The following DSEL variants were observed in gnomAD, a reference collection of about 807,000 sequenced individuals.
The protein encoded by DSEL is dermatan sulfate epimerase like, also known as dermatan-sulfate epimerase-like protein.
DSEL carries 61 observed loss-of-function variants against 96.6 expected under a neutral mutation model. The observed-to-expected ratio is 0.63, with a 90% CI of 0.51 to 0.78. The LOEUF is 0.78. Among genes scored for constraint, DSEL ranks in the 30% least tolerant of loss-of-function variants. DSEL has a pLI of 0.00. For synonymous variants in DSEL, 514 were observed against 502.0 expected, an observed-to-expected ratio of 1.02 and a Z score of -0.32; for missense variants, 1,320 against 1,430.8, an observed-to-expected ratio of 0.92 and a Z score of 1.25.
chr18:67,509,573 C>T lies in DSEL; in HGVS notation c.*1397G>A, dbSNP rs554575773. The T allele has an allele frequency of 6.6e-6, 1 of 152,252 alleles. No individual in the cohort carries two copies. The highest frequency in any genetic ancestry group is 2.1e-4 in the South Asian group (1 of 4,822). 9.4% of individuals were successfully genotyped at this position (152,252 alleles called of 1,614,324 possible). ...ACAGAGCTTTATCACTCTGGAGGCA[C>T]ATTTTGACATAATAATAACTACTGA... On this transcript the variant is annotated 3_prime_UTR_variant, in exon 2 of 2. Transcript: ENST00000310045.
Position 67,510,866 on chromosome 18 carries a change from G to GTA in DSEL, c.*103_*104insTA, listed in dbSNP as rs1555694166. On this transcript the variant is annotated 3_prime_UTR_variant, in exon 2 of 2. Coordinates refer to ENST00000310045, the MANE Select transcript of DSEL (RefSeq NM_032160.3). ...AACAACACTGAACACATACACGCGT[G>GTA]CACACACACACACACACTAAAGAAT... 1 of 716,988 alleles carries GTA rather than the reference G, an allele frequency of 1.4e-6. No individual in the cohort carries two copies. The highest frequency in any genetic ancestry group is 2.1e-5 in the South Asian group (1 of 47,518). 44.4% of individuals were successfully genotyped at this position (716,988 alleles called of 1,614,324 possible).
chr18:67,513,373 G>C lies in DSEL; in HGVS notation c.1236C>G (p.Phe412Leu). 1.2e-6 allele frequency: 2 copies of C among 1,614,190 alleles called. No homozygotes were observed. The highest frequency in any genetic ancestry group is 1.7e-6 in the Non-Finnish European group (2 of 1,180,044). Reference protein sequence around the residue: ...ADYGTAKIHTFPNWGVVTYGA... With the variant: ...ADYGTAKIHTLPNWGVVTYGA... ...CATAAGTAACCACACCCCAGTTAGG[G>C]AATGTGTGTATTTTTGCAGTACCAT... The change falls in exon 2 of 2, where the codon TTC (phenylalanine) becomes TTG (leucine). Residue 412 changes from phenylalanine to leucine, a missense_variant. Phe to Leu is a conservative substitution (Grantham distance 22). Transcript: ENST00000310045.
rs2089447820 is a variant in DSEL, at chr18:67,512,270, A to T, written c.2339T>A (p.Leu780Ter). 1 of 1,614,028 alleles carries T rather than the reference A, an allele frequency of 6.2e-7. No homozygotes were observed. The highest frequency in any genetic ancestry group is 8.5e-7 in the Non-Finnish European group (1 of 1,180,022). ...AGTTAAAATCACCAAGCTAATGCAC[A>T]AAATTAATCCAACTGCTATATTAAA... ...FKFNIAVGLI[L>*]CISLVILTFQ... Residue 780 changes from leucine to a stop codon, truncating the protein, a stop_gained, in exon 2 of 2, where the codon TTG (leucine) becomes TAG (stop). Coordinates refer to ENST00000310045, the MANE Select transcript of DSEL (RefSeq NM_032160.3). LOFTEE classifies it high-confidence loss of function.
In DSEL at chr18:67,514,204, G is replaced by C. The variant is rs2089461868; in HGVS notation, c.405C>G (p.Cys135Trp). The C allele has an allele frequency of 1.1e-5, 18 of 1,614,060 alleles. No individual in the cohort carries two copies. Among genetic ancestry groups the C allele is most frequent in the Non-Finnish European group, 1.5e-5 (18 of 1,180,018 alleles). ...LPPLALYCLLCPEDKVAFEFV... is the reference protein window; with the variant it reads ...LPPLALYCLLWPEDKVAFEFV... ...ATTCAAAGGCAACTTTGTCTTCTGG[G>C]CATAACAAACAGTACAATGCTAAAG... Residue 135 changes from cysteine (C) to tryptophan (W), a missense_variant, in exon 2 of 2, where the codon TGC (cysteine) becomes TGG (tryptophan). Cys to Trp is a radical substitution (Grantham distance 215, BLOSUM62 -2). Transcript: ENST00000310045.
In DSEL at chr18:67,514,642, T is replaced by C. The variant is rs772787026; in HGVS notation, c.-34A>G. Reference sequence around the variant, plus strand: ...GGGGAGCTCCTCCCTTAGGCATACATGTCAGATATGATGCTCAATGTGTTT... The same window carrying C: ...GGGGAGCTCCTCCCTTAGGCATACACGTCAGATATGATGCTCAATGTGTTT... On this transcript the variant is annotated 5_prime_UTR_variant, in exon 2 of 2. An upstream start codon of the reference 5' UTR is lost. Transcript: ENST00000310045. The C allele has an allele frequency of 1.2e-6, 2 of 1,606,416 alleles. No individual in the cohort carries two copies. Among genetic ancestry groups the C allele is most frequent in the Non-Finnish European group, 1.7e-6 (2 of 1,176,244 alleles).
intron 1 of DSEL, 51 bp from the exon 2 acceptor site, chr18:67,515,543 G>A (rs1484711643): frequency 6.1e-6 from 1 of 163,296 alleles, no homozygotes; most frequent in Non-Finnish European, 1.5e-5. Flanking sequence ...GGTATGCTGA[G>A]AATGAATATA....
chr18:67,514,581 G>A lies in DSEL; in HGVS notation c.28C>T (p.Leu10=), dbSNP rs1180618756. MALMFTGHL[L]FLALLMFAFS... ...GCAAACATCAATAATGCTAAGAATA[G>A]TAAATGTCCTGTAAACATTAACGCC... The change falls in exon 2 of 2, where the codon CTA becomes TTA. Residue 10 remains leucine, a synonymous_variant. Transcript: ENST00000310045. 5 of 1,614,096 alleles carry A rather than the reference G, an allele frequency of 3.1e-6. No individual in the cohort carries two copies. The highest frequency in any genetic ancestry group is 3.4e-6 in the Non-Finnish European group (4 of 1,180,008).
Position 67,510,946 on chromosome 18 carries a change from C to A in DSEL, c.*24G>T. The A allele has an allele frequency of 6.5e-7, 1 of 1,537,292 alleles. No homozygotes were observed. Among genetic ancestry groups the A allele is most frequent in the South Asian group, 1.3e-5 (1 of 76,314 alleles). On this transcript the variant is annotated 3_prime_UTR_variant, in exon 2 of 2. Coordinates refer to ENST00000310045, the MANE Select transcript of DSEL (RefSeq NM_032160.3). ...AGTGGGTTGGTAAGTATTATTAGTG[C>A]AAATTTCTGCTGACCTGCAGCATTT...
Position 67,513,709 on chromosome 18 carries a change from G to A in DSEL, c.900C>T (p.Ile300=). The A allele has an allele frequency of 6.2e-7, 1 of 1,614,200 alleles. No individual in the cohort carries two copies. The highest frequency in any genetic ancestry group is 1.3e-5 in the African/African-American group (1 of 75,048). The change falls in exon 2 of 2, where the codon ATC becomes ATT. Residue 300 remains isoleucine, a synonymous_variant. Coordinates refer to ENST00000310045, the MANE Select transcript of DSEL (RefSeq NM_032160.3). ...YVFLAQRHFN[I]NNLDNNWLKM... is the part of the protein sequence containing the mutation. ...TTAACCAGTTATTATCCAAGTTGTT[G>A]ATATTAAAATGGCGCTGGGCCAGAA... is the stretch of plus-strand genomic sequence containing the variant.
chr18:67,506,654 T>G lies in DSEL; in HGVS notation c.*4316A>C, dbSNP rs1177911756. ...ACACATAGGTCTGATAAAACTGGTTTATGATCTTCAGTCTGTTTCCAGTGC... is the reference window on the plus strand; with the variant it reads ...ACACATAGGTCTGATAAAACTGGTTGATGATCTTCAGTCTGTTTCCAGTGC... On this transcript the variant is annotated 3_prime_UTR_variant, in exon 2 of 2. Coordinates refer to ENST00000310045, the MANE Select transcript of DSEL (RefSeq NM_032160.3). 1.3e-5 allele frequency: 2 copies of G among 152,156 alleles called. No homozygotes were observed. Among genetic ancestry groups the G allele is most frequent in the Non-Finnish European group, 2.9e-5 (2 of 68,038 alleles). 9.4% of individuals were successfully genotyped at this position (152,156 alleles called of 1,614,324 possible).
Position 67,511,580 on chromosome 18 carries a change from G to C in DSEL, c.3029C>G (p.Thr1010Arg), listed in dbSNP as rs763315186. 1 of 1,613,358 alleles carries C rather than the reference G, an allele frequency of 6.2e-7. No homozygotes were observed. The highest frequency in any genetic ancestry group is 1.3e-5 in the African/African-American group (1 of 74,810). Reference sequence around the variant, plus strand: ...TTCCTGAAAAAAATGAAGCTTTAACGTCCAGCTTCCACTGCTTAAACTGAG... The same window carrying C: ...TTCCTGAAAAAAATGAAGCTTTAACCTCCAGCTTCCACTGCTTAAACTGAG... ...PVLSLSSGSW[T>R]LKLHFFQEVL... Residue 1010 changes from threonine (T) to arginine (R), a missense_variant, in exon 2 of 2, where the codon ACG (threonine) becomes AGG (arginine). Thr to Arg is a moderately conservative substitution (Grantham distance 71). Around this residue, in one of 3 missense-constraint regions of DSEL, gnomAD observed 986 missense variants for 1,066.4 expected, o/e 0.92. Coordinates refer to ENST00000310045, the MANE Select transcript of DSEL (RefSeq NM_032160.3).
chr18:67,514,371 G>T lies in DSEL; in HGVS notation c.238C>A (p.Arg80Ser). 1 of 1,614,140 alleles carries T rather than the reference G, an allele frequency of 6.2e-7. No individual in the cohort carries two copies. The highest frequency in any genetic ancestry group is 1.1e-5 in the South Asian group (1 of 91,080). The change falls in exon 2 of 2, where the codon CGT (arginine) becomes AGT (serine). Residue 80 changes from arginine (R) to serine (S), a missense_variant. Around this residue, in one of 3 missense-constraint regions of DSEL, gnomAD observed 323 missense variants for 333.1 expected, o/e 0.97. Coordinates refer to ENST00000310045, the MANE Select transcript of DSEL (RefSeq NM_032160.3). ...CTAAAAAGATGCAAATGGCTTGCACGAGACTTTTGTCTCATTGCTTGGATT... is the reference window on the plus strand; with the variant it reads ...CTAAAAAGATGCAAATGGCTTGCACTAGACTTTTGTCTCATTGCTTGGATT... ...GEIQAMRQKS[R>S]ASHLHLFRAI... is the part of the protein sequence containing the mutation.
rs908504770 is a variant in DSEL at position 67,508,515 on chromosome 18, A to C, written c.*2455T>G. 6.6e-6 allele frequency: 1 copy of C among 152,192 alleles called. No individual in the cohort carries two copies. The highest frequency in any genetic ancestry group is 2.4e-5 in the African/African-American group (1 of 41,430). The allele number at this position is 152,192 out of a possible 1,614,324, so 9.4% of individuals were successfully genotyped here. A position where few individuals can be genotyped will look rare whatever the true frequency, so the allele number is the denominator to read the frequency against. On this transcript the variant is annotated 3_prime_UTR_variant, in exon 2 of 2. Transcript: ENST00000310045. ...GAGTAGGTGAGTACAGAAACAAGTA[A>C]ATACAACTCTGCATTGCCATGTGGG...
Position 67,510,928 on chromosome 18 carries a change from T to G in DSEL, c.*42A>C, listed in dbSNP as rs764836418. 1 of 1,491,710 alleles carries G rather than the reference T, an allele frequency of 6.7e-7. No homozygotes were observed. The highest frequency in any genetic ancestry group is 9.0e-7 in the Non-Finnish European group (1 of 1,110,384). 92.4% of individuals were successfully genotyped at this position (1,491,710 alleles called of 1,614,324 possible). On this transcript the variant is annotated 3_prime_UTR_variant, in exon 2 of 2. Coordinates refer to ENST00000310045, the MANE Select transcript of DSEL (RefSeq NM_032160.3). ...TCTGATTCATATCCACAAAGTGGGT[T>G]GGTAAGTATTATTAGTGCAAATTTC...
chr18:67,512,754 T>C lies in DSEL; in HGVS notation c.1855A>G (p.Arg619Gly). Residue 619 changes from arginine to glycine, a missense_variant, in exon 2 of 2, where the codon AGG (arginine) becomes GGG (glycine). Physicochemically the swap from Arg to Gly is moderately radical, Grantham distance 125. Transcript: ENST00000310045. ...ACATCCATCATGGCACCATTATACC[T>C]ATTCATAAACTTATATGGGATATAT... ...FKYIPYKFMN[R>G]YNGAMMDVWD... 6.2e-7 allele frequency: 1 copy of C among 1,614,072 alleles called. No homozygotes were observed. Among genetic ancestry groups the C allele is most frequent in the Non-Finnish European group, 8.5e-7 (1 of 1,179,972 alleles).
chr18:67,513,453 G>A lies in DSEL; in HGVS notation c.1156C>T (p.His386Tyr). The A allele has an allele frequency of 6.2e-7, 1 of 1,614,192 alleles. No individual in the cohort carries two copies. The highest frequency in any genetic ancestry group is 8.5e-7 in the Non-Finnish European group (1 of 1,180,044). The change falls in exon 2 of 2, where the codon CAC becomes TAC. Residue 386 changes from histidine to tyrosine, a missense_variant. By Grantham distance (83) the His-to-Tyr change is moderately conservative. Coordinates refer to ENST00000310045, the MANE Select transcript of DSEL (RefSeq NM_032160.3). ...GGATCATACCAGATGTATTCAGTGT[G>A]AAGAGTACTCCACCTTTGGGCAGTT... The part of the protein sequence containing the change: ...PSTAQRWSTL[H>Y]TEYIWYDPQL...
At position 67,513,644 on chromosome 18, in the gene DSEL, C is replaced by A; in HGVS notation, c.965G>T (p.Gly322Val). The A allele has an allele frequency of 6.2e-7, 1 of 1,614,150 alleles. No homozygotes were observed. The highest frequency in any genetic ancestry group is 1.3e-5 in the African/African-American group (1 of 75,048). The change falls in exon 2 of 2, where the codon GGC (glycine) becomes GTC (valine). Residue 322 changes from glycine to valine, a missense_variant. Physicochemically the swap from Gly to Val is moderately radical, Grantham distance 109. This residue lies in a region of DSEL where 986 missense variants were observed against 1,066.4 expected (regional missense o/e 0.92). Transcript: ENST00000310045. ...FWFYYATLLP[G>V]FQRTVGIADS... is the part of the protein sequence containing the mutation. ...TGCTATACCCACAGTTCTTTGGAAG[C>A]CAGGTAAAAGGGTGGCATAATAGAA... is the stretch of plus-strand genomic sequence containing the variant.
At position 67,508,855 on chromosome 18, in the gene DSEL, T is replaced by C. The variant is rs1439574618; in HGVS notation, c.*2115A>G. 2.6e-5 allele frequency: 4 copies of C among 151,618 alleles called. No homozygotes were observed. The highest frequency in any genetic ancestry group is 9.7e-5 in the African/African-American group (4 of 41,142). 9.4% of individuals were successfully genotyped at this position (151,618 alleles called of 1,614,324 possible). On this transcript the variant is annotated 3_prime_UTR_variant, in exon 2 of 2. Coordinates refer to ENST00000310045, the MANE Select transcript of DSEL (RefSeq NM_032160.3). Reference sequence around the variant, plus strand: ...GCCATTCTCCTGCCTCAGCCTCCCGTGTAGCTGGGACTACAGGTGCCCGCC... The same window carrying C: ...GCCATTCTCCTGCCTCAGCCTCCCGCGTAGCTGGGACTACAGGTGCCCGCC...
chr18:67,513,742 C>CT lies in DSEL; in HGVS notation c.866dup (p.Tyr290ValfsTer10). On this transcript the variant is annotated frameshift_variant, in exon 2 of 2. Transcript: ENST00000310045. LOFTEE classifies it high-confidence loss of function. ...AATGGCGCTGGGCCAGAAAAACATA[C>CT]TGTGTGACGGATTTAGCTGTGTAGC... is the stretch of plus-strand genomic sequence containing the variant. 1 of 1,614,208 alleles carries CT rather than the reference C, an allele frequency of 6.2e-7. No individual in the cohort carries two copies. The highest frequency in any genetic ancestry group is 1.1e-5 in the South Asian group (1 of 91,086).
Sources: allele counts gnomAD v4.1 joint callset, GRCh38; gene constraint gnomAD v4.1.1; regional missense constraint gnomAD v4.1.1; transcripts MANE v1.5; gene names NCBI Gene and HGNC (gene_info 2026-07-23, HGNC 2026-07-21).